The following NME9 variants were observed in gnomAD, a reference collection of about 807,000 sequenced individuals.
NME9 encodes NME/NM23 family member 9, also known as thioredoxin domain-containing protein 6.
A neutral mutation model predicts 44.4 loss-of-function variants in NME9; 48 were observed. The observed-to-expected ratio is 1.08, with a 90% CI of 0.86 to 1.37. The LOEUF (loss-of-function observed/expected upper bound fraction) is 1.37, where lower values mean the gene tolerates loss of function less well. NME9 is among the 40% of genes most tolerant of loss of function. The pLI is 0.00. For synonymous variants in NME9, 139 were observed against 147.1 expected, an observed-to-expected ratio of 0.94 and a Z score of 0.40; for missense variants, 325 against 405.2, an observed-to-expected ratio of 0.80 and a Z score of 1.70.
At chr3:138,306,329 C>T in intron 7 of NME9, 69 bp downstream of exon 7, 1 of 1,168,740 alleles carries the variant, frequency 8.6e-7, no homozygotes, top group Non-Finnish European at 1.3e-6. Flanking sequence ...CTGCCCAGTG[C>T]CCCATCCCTG....
Position 138,319,518 on chromosome 3 carries a change from ATCT to A in NME9, c.152_154del (p.Lys51del). The A allele has an allele frequency of 6.2e-7, 1 of 1,613,162 alleles. No homozygotes were observed. ...AAGGTCCAGGCCGACCTCGATCCTC[ATCT>A]TCTGGAAGAGGCTCACCACAGGTTT... On this transcript the variant is annotated inframe_deletion, in exon 3 of 11. Coordinates refer to ENST00000333911, the MANE Select transcript of NME9 (RefSeq NM_001349018.2).
rs762054548 is a variant in NME9, at chr3:138,303,640, G to A, written c.795C>T (p.Leu265=). The A allele has an allele frequency of 1.9e-6, 3 of 1,598,920 alleles. No individual in the cohort carries two copies. The highest frequency in any genetic ancestry group is 2.6e-6 in the Non-Finnish European group (3 of 1,169,676). ...GCATTTCTGTGCCGTACTGAGCTCG[G>A]AGACTGGGAACATTGGCAAAATGTA... The part of the protein sequence containing the change: ...NVARREQPES[L]RAQYGTEMPF... Residue 265 remains leucine, a synonymous_variant, in exon 10 of 11, where the codon CTC becomes CTT. Coordinates refer to ENST00000333911, the MANE Select transcript of NME9 (RefSeq NM_001349018.2).
intron 8 of NME9, among the ~76,000 whole-genome samples, chr3:138,278,105 G>A (rs1386310672): frequency 6.6e-6 from 1 of 152,198 alleles, no homozygotes; most frequent in African/African-American, 2.4e-5. Flanking sequence ...TTAAAGGTTG[G>A]GGGCAGGATT....
chr3:138,277,672 G>A (rs2049435341), intron 8 of NME9, among the ~76,000 whole-genome samples: 1 of 152,194 alleles, frequency 6.6e-6, no homozygotes, highest in South Asian at 2.1e-4. Flanking sequence ...TAGCAAGGAT[G>A]CAGAGCATCT....
chr3:138,317,164 C>T (rs1362016562), intron 4 of NME9, among the ~76,000 whole-genome samples: 4 of 152,232 alleles, frequency 2.6e-5, no homozygotes, highest in African/African-American at 7.2e-5. Context: ...CTGGGGCATG[C>T]TCATCTCTGA....
At chr3:138,300,644 G>A, downstream of NME9, among the ~76,000 whole-genome samples, 1 of 152,252 alleles carries the variant, frequency 6.6e-6, no homozygotes, top group Admixed American at 6.5e-5. Flanking sequence ...AGGCAATTCA[G>A]TGGGAGCTGA....
chr3:138,316,126 C>A (rs2053063706), intron 4 of NME9, among the ~76,000 whole-genome samples: 1 of 152,172 alleles, frequency 6.6e-6, no homozygotes, highest in African/African-American at 2.4e-5. Context: ...GCCACCGCAC[C>A]TGGCCAGTCT....
chr3:138,309,126 A>G (rs1365511872), intron 6 of NME9, among the ~76,000 whole-genome samples: 1 of 151,076 alleles, frequency 6.6e-6, no homozygotes, highest in Non-Finnish European at 1.5e-5. Flanking sequence ...CCCTGTTTCT[A>G]CTAAAAATAC....
At chr3:138,292,555 G>A (rs1308311255) in intron 8 of NME9, among the ~76,000 whole-genome samples, 2 of 152,194 alleles carry the variant, frequency 1.3e-5, no homozygotes, top group Admixed American at 1.3e-4. Flanking sequence ...AGTACAGGAT[G>A]TTAAAGAGAG....
In NME9 at chr3:138,319,617, C is replaced by T. The variant is rs377753980; in HGVS notation, c.92-36G>A. 864 of 1,088,856 alleles carry T rather than the reference C, an allele frequency of 7.9e-4. 9 individuals are homozygous for T. The South Asian group carries it at 0.01, about 13-fold the overall frequency. The allele number at this position is 1,088,856 out of a possible 1,614,324, so 67.4% of individuals were successfully genotyped here. ...CCAAGAAGCAGGAACATTCAGTAGA[C>T]GCCAGTGCCCACCACACCATGCATA... On this transcript the variant is annotated intron_variant, in intron 2 of 10. Coordinates refer to ENST00000333911, the MANE Select transcript of NME9 (RefSeq NM_001349018.2).
At chr3:138,278,550 A>G (rs1181499709) in intron 8 of NME9, among the ~76,000 whole-genome samples, 2 of 152,182 alleles carry the variant, frequency 1.3e-5, no homozygotes, top group African/African-American at 2.4e-5. Flanking sequence ...TTACTACCAA[A>G]AGAGTGAATT....
intron 8 of NME9, chr3:138,270,255 T>C: frequency 1.4e-6 from 1 of 733,660 alleles, no homozygotes; most frequent in Non-Finnish European, 2.2e-6. Flanking sequence ...GGCTATTTTG[T>C]TCTAGTTTTC....
chr3:138,269,920 A>G (rs2048632791), intron 8 of NME9: 3 of 511,100 alleles, frequency 5.9e-6, no homozygotes, highest in Admixed American at 3.4e-5. Context: ...CTGCTTTGCA[A>G]AAGTTGCCTG....
intron 8 of NME9, among the ~76,000 whole-genome samples, chr3:138,264,538 G>A (rs1373112624): frequency 6.9e-6 from 1 of 145,580 alleles, no homozygotes; most frequent in African/African-American, 2.5e-5. Context: ...TTCTGCCTCA[G>A]CCTCTCTAGT....
chr3:138,315,822 T>TTTTGTTTG (rs555409101), intron 4 of NME9, among the ~76,000 whole-genome samples, 179 bp from the exon 5 acceptor site: 16 of 151,912 alleles, frequency 1.1e-4, no homozygotes, highest in Admixed American at 6.6e-5. Flanking sequence ...CTCCTAGGTT[T>TTTTGTTTG]TTTGTTTGTT....
chr3:138,263,886 T>C (rs1167710721), intron 8 of NME9: 1 of 1,373,772 alleles, frequency 7.3e-7, no homozygotes, highest in Non-Finnish European at 1.0e-6. Flanking sequence ...TCCTTTCTGG[T>C]CCTTCACTGA....
chr3:138,282,517 C>T (rs1420762848), intron 8 of NME9, among the ~76,000 whole-genome samples: 2 of 151,352 alleles, frequency 1.3e-5, no homozygotes, highest in African/African-American at 4.9e-5. Flanking sequence ...GTGTGGCACA[C>T]ACTTGTAATC....
At chr3:138,322,020 GATA>G (rs1355139240) in intron 2 of NME9, among the ~76,000 whole-genome samples, 3 of 151,918 alleles carry the variant, frequency 2.0e-5, no homozygotes, top group African/African-American at 7.3e-5. Context: ...CCACGTAGAG[GATA>G]AAGTTCTGGG....
intron 8 of NME9, among the ~76,000 whole-genome samples, chr3:138,292,070 T>C (rs2051003627): frequency 6.6e-6 from 1 of 152,152 alleles, no homozygotes; most frequent in East Asian, 1.9e-4. Flanking sequence ...GGAGTTTCAC[T>C]CTTGTTGCCC....
Sources: allele counts gnomAD v4.1 joint callset (sites outside exome capture counted in the v4.1 genomes callset), GRCh38; gene constraint gnomAD v4.1.1; transcripts MANE v1.5; gene names NCBI Gene and HGNC (gene_info 2026-07-23, HGNC 2026-07-21).